ORC2: variants seen among roughly 807,000 people sequenced by gnomAD.
The protein encoded by ORC2 is origin recognition complex protein 2 homolog.
A neutral mutation model predicts 77.7 loss-of-function variants in ORC2; 37 were observed. The observed-to-expected ratio is 0.48, with a 90% CI of 0.37 to 0.63. The LOEUF is 0.63. Among genes scored for constraint, ORC2 ranks in the 20% least tolerant of loss-of-function variants. ORC2 has a pLI of 0.00. For missense variants in ORC2, 557 were observed against 661.9 expected (o/e 0.84, Z 1.74); for synonymous variants, 201 against 229.5 (o/e 0.88, Z 1.12).
rs373691209 is a variant in ORC2 at position 200,913,933 on chromosome 2, A to G, written c.1526T>C (p.Ile509Thr). The G allele has an allele frequency of 3.1e-6, 5 of 1,587,702 alleles. No homozygotes were observed. The highest frequency in any genetic ancestry group is 4.3e-6 in the Non-Finnish European group (5 of 1,171,836). The change falls in exon 16 of 18, where the codon ATT becomes ACT. Residue 509 changes from isoleucine (I) to threonine (T), a missense_variant and splice_region_variant. Ile to Thr is a moderately conservative substitution (Grantham distance 89). Transcript: ENST00000234296. ...QLDNQDNPSY[I>T]GLSFQDFYQQ... ...TGAATGTCATAAATATTGGATACCA[A>G]TGTAAGAAGGGTTATCCTGGTTGTC...
chr2:200,955,984 C>T (rs1332832941), intron 4 of ORC2, among the ~76,000 whole-genome samples: 1 of 152,204 alleles, frequency 6.6e-6, no homozygotes, highest in African/African-American at 2.4e-5. Context: ...TTGAAATGCT[C>T]CTCCTAGTTC....
intron 13 of ORC2, among the ~76,000 whole-genome samples, chr2:200,924,522 T>C (rs2040811345): frequency 6.6e-6 from 1 of 152,158 alleles, no homozygotes; most frequent in Non-Finnish European, 1.5e-5. Flanking sequence ...GCTAAGATTA[T>C]TGTCATTATC....
At chr2:200,941,398 T>C (rs1463683147) in intron 6 of ORC2, 119 bp from the exon 7 acceptor site, 6 of 788,070 alleles carry the variant, frequency 7.6e-6, no homozygotes, top group Non-Finnish European at 1.2e-5. Context: ...ATCCCAGCAC[T>C]TTGGGAGGCA....
Position 200,931,468 on chromosome 2 carries a change from G to A in ORC2, c.808-20C>T, listed in dbSNP as rs2040938993. 7.5e-6 allele frequency: 10 copies of A among 1,339,786 alleles called. No homozygotes were observed. The highest frequency in any genetic ancestry group is 1.5e-5 in the African/African-American group (1 of 66,184). The allele number at this position is 1,339,786 out of a possible 1,614,324, so 83.0% of individuals were successfully genotyped here. A position where few individuals can be genotyped will look rare whatever the true frequency, so the allele number is the denominator to read the frequency against. On this transcript the variant is annotated intron_variant, in intron 10 of 17. Transcript: ENST00000234296. ...AGTTTGCTTTAAAAAAAAGGAGGAG[G>A]GGAAAAAAGTCATTCTCAAAGCACA...
chr2:200,946,560 ATGTG>A (rs2041252960), intron 5 of ORC2, among the ~76,000 whole-genome samples: 1 of 152,242 alleles, frequency 6.6e-6, no homozygotes, highest in Non-Finnish European at 1.5e-5. Context: ...TGACTTTAAA[ATGTG>A]TATTTCTTTC....
At chr2:200,934,728 C>G (rs959117711) in intron 9 of ORC2, among the ~76,000 whole-genome samples, 1 of 152,010 alleles carries the variant, frequency 6.6e-6, no homozygotes, top group Non-Finnish European at 1.5e-5. Context: ...AAGAAACCCA[C>G]AAACAAATAA....
chr2:200,920,099 T>C, intron 15 of ORC2, 123 bp downstream of exon 15: 1 of 666,026 alleles, frequency 1.5e-6, no homozygotes, highest in Admixed American at 3.0e-5. Context: ...CTGGTAACTA[T>C]TATTACTATA....
intron 15 of ORC2, among the ~76,000 whole-genome samples, chr2:200,919,001 T>A (rs988745666): frequency 6.6e-6 from 1 of 152,066 alleles, no homozygotes; most frequent in South Asian, 2.1e-4. Context: ...AATTAATTTT[T>A]AAAATTTTTT....
chr2:200,937,786 C>T (rs2124992645), intron 8 of ORC2, 120 bp downstream of exon 8: 1 of 683,826 alleles, frequency 1.5e-6, no homozygotes. Context: ...AGTGTTGCAA[C>T]TAAAAGCCAA....
intron 4 of ORC2, among the ~76,000 whole-genome samples, chr2:200,953,112 CAAAAA>C (rs768496100): frequency 2.1e-5 from 1 of 48,604 alleles, no homozygotes; most frequent in East Asian, 6.0e-4. Context: ...GACCCTGTCT[CAAAAA>C]AAAAAAAAAA....
intron 5 of ORC2, 107 bp from the exon 6 acceptor site, chr2:200,942,884 T>G: frequency 1.8e-6 from 1 of 550,406 alleles, no homozygotes; most frequent in Non-Finnish European, 3.1e-6. Context: ...CTGTTACTTT[T>G]ATCAGAAAAA....
At chr2:200,962,405 T>C (rs889700279) in intron 1 of ORC2, among the ~76,000 whole-genome samples, 3 of 152,122 alleles carry the variant, frequency 2.0e-5, no homozygotes, top group African/African-American at 7.2e-5. Flanking sequence ...AAAAACATAA[T>C]CCTTTGAAAA....
At position 200,963,384 on chromosome 2, in the gene ORC2, C is replaced by A. The variant is rs1272911023; in HGVS notation, c.-60+106G>T. 5 of 398,388 alleles carry A rather than the reference C, an allele frequency of 1.3e-5. No homozygotes were observed. The Middle Eastern group carries it at 1.9e-3, about 151-fold the overall frequency. 24.7% of individuals were successfully genotyped at this position (398,388 alleles called of 1,614,324 possible). On this transcript the variant is annotated intron_variant, in intron 1 of 17. Transcript: ENST00000234296. Reference sequence around the variant, plus strand: ...GTCCTGAGATGCGCGACTTGGGACGCTAGGGGCCAAGCTCCGACGCGGGGC... The same window carrying A: ...GTCCTGAGATGCGCGACTTGGGACGATAGGGGCCAAGCTCCGACGCGGGGC...
chr2:200,915,188 T>C (rs1395263276), intron 15 of ORC2, among the ~76,000 whole-genome samples: 1 of 151,970 alleles, frequency 6.6e-6, no homozygotes, highest in African/African-American at 2.4e-5. Flanking sequence ...TAATTTTGTA[T>C]TTTTAGTAGA....
At chr2:200,962,523 G>C (rs1460851746) in intron 1 of ORC2, among the ~76,000 whole-genome samples, 1 of 152,218 alleles carries the variant, frequency 6.6e-6, no homozygotes, top group African/African-American at 2.4e-5. Context: ...CCAAAGTCCT[G>C]ACGATTAAAT....
rs371425675 is a variant in ORC2 at position 200,958,126 on chromosome 2, T to A, written c.-3A>T. The A allele has an allele frequency of 1.2e-6, 2 of 1,604,368 alleles. No individual in the cohort carries two copies. Among genetic ancestry groups the A allele is most frequent in the South Asian group, 2.2e-5 (2 of 90,704 alleles). On this transcript the variant is annotated 5_prime_UTR_variant, in exon 3 of 18. Coordinates refer to ENST00000234296, the MANE Select transcript of ORC2 (RefSeq NM_006190.5). The stretch of plus-strand genomic sequence containing the variant: ...TCCTTTAATTCTGGTTTACTCATTG[T>A]TGCCAACCTAAACAAAAACAGTAAG...
intron 1 of ORC2, 115 bp downstream of exon 1, chr2:200,963,375 C>G (rs958641384): frequency 2.7e-4 from 108 of 398,182 alleles, no homozygotes; most frequent in Middle Eastern, 1.9e-3. Context: ...AGATGCGCGA[C>G]TTGGGACGCT....
Position 200,911,364 on chromosome 2 carries a change from TA to T in ORC2, c.1670del (p.Leu557TyrfsTer2). On this transcript the variant is annotated frameshift_variant, in exon 18 of 18. Coordinates refer to ENST00000234296, the MANE Select transcript of ORC2 (RefSeq NM_006190.5). LOFTEE classifies it high-confidence loss of function. ...TKKGTDGVEY[L>X]LIPVDNGTLT... ...ATGTTCCATTATCAACAGGAATTAA[TA>T]AATACTCTACTCCATCAGTTCCCTG... The T allele has an allele frequency of 6.3e-7, 1 of 1,599,472 alleles. No individual in the cohort carries two copies. The highest frequency in any genetic ancestry group is 8.6e-7 in the Non-Finnish European group (1 of 1,166,684).
intron 11 of ORC2, among the ~76,000 whole-genome samples, chr2:200,929,437 A>C (rs1158898952): frequency 1.3e-5 from 2 of 152,192 alleles, no homozygotes; most frequent in Non-Finnish European, 2.9e-5. Flanking sequence ...CTTTATAGAA[A>C]GTCAAACCAG....
Sources: allele counts gnomAD v4.1 joint callset (sites outside exome capture counted in the v4.1 genomes callset), GRCh38; gene constraint gnomAD v4.1.1; transcripts MANE v1.5; gene names NCBI Gene and HGNC (gene_info 2026-07-23, HGNC 2026-07-21).